The following SEMA3B variants were observed in gnomAD, a reference collection of about 807,000 sequenced individuals.
SEMA3B encodes semaphorin 3B, also known as semaphorin-3B.
Under a neutral mutation model 77.8 loss-of-function variants are expected in SEMA3B, and 71 were observed. The ratio of observed to expected loss-of-function variants is 0.91; its 90% CI spans 0.75 to 1.11. SEMA3B has a LOEUF of 1.11. Ranked by LOEUF, SEMA3B falls within the 50% of genes most tolerant of loss-of-function variation. The pLI, the probability that SEMA3B is intolerant of heterozygous loss-of-function variation, is 0.00. For missense variants in SEMA3B, 968 were observed against 1,056.8 expected (o/e 0.92, Z 1.17); for synonymous variants, 470 against 452.9 (o/e 1.04, Z -0.48).
chr3:50,273,570 G>A lies in SEMA3B; in HGVS notation c.846G>A (p.Lys282=), dbSNP rs1386869239. 5.0e-6 allele frequency: 8 copies of A among 1,613,210 alleles called. No individual in the cohort carries two copies. Among genetic ancestry groups the A allele is most frequent in the African/African-American group, 1.3e-5 (1 of 74,928 alleles). Reference sequence around the variant, plus strand: ...GCGGCCAGCGCAGCCTGGTCAACAAGTGGACGACGTTCCTGAAGGCGCGGC... The same window carrying A: ...GCGGCCAGCGCAGCCTGGTCAACAAATGGACGACGTTCCTGAAGGCGCGGC... The part of the protein sequence containing the change: ...DVGGQRSLVN[K]WTTFLKARLV... Residue 282 remains lysine (K), a synonymous_variant, in exon 8 of 17, where the codon AAG becomes AAA. Coordinates refer to ENST00000616701, the MANE Select transcript of SEMA3B (RefSeq NM_001290060.2). The surrounding 1 kb of genome is among the most constrained non-coding windows in gnomAD (Gnocchi z 6.5).
Position 50,270,254 on chromosome 3 carries a change from C to T in SEMA3B, c.237C>T (p.Asn79=). ...VGAENHVASL[N]LDNISKRAKK... ...CCGAGAACCATGTGGCCTCCCTCAA[C>T]CTGGACAACATCAGCAAGCGGGCCA... is the stretch of plus-strand genomic sequence containing the variant. Residue 79 remains asparagine (N), a synonymous_variant, in exon 2 of 17, where the codon AAC becomes AAT. Coordinates refer to ENST00000616701, the MANE Select transcript of SEMA3B (RefSeq NM_001290060.2). The surrounding 1 kb of genome is among the most constrained non-coding windows in gnomAD (Gnocchi z 4.7). 6.2e-7 allele frequency: 1 copy of T among 1,613,404 alleles called. No individual in the cohort carries two copies. The highest frequency in any genetic ancestry group is 8.5e-7 in the Non-Finnish European group (1 of 1,179,722).
chr3:50,276,090 C>A lies in SEMA3B; in HGVS notation c.1846-212C>A. 1 of 790,418 alleles carries A rather than the reference C, an allele frequency of 1.3e-6. No homozygotes were observed. Among genetic ancestry groups the A allele is most frequent in the Non-Finnish European group, 1.9e-6 (1 of 519,712 alleles). 49.0% of individuals were successfully genotyped at this position (790,418 alleles called of 1,614,324 possible). On this transcript the variant is annotated intron_variant, in intron 16 of 16. Transcript: ENST00000616701. The surrounding 1 kb of genome is among the most constrained non-coding windows in gnomAD (Gnocchi z 5.8). ...TCCCATTAAGGTCCCTGACCACCCC[C>A]CACCAAGTTCATGTAAACCCCGCCT...
In SEMA3B at chr3:50,273,297, G is replaced by A; in HGVS notation, c.665-1G>A. On this transcript the variant is annotated splice_acceptor_variant, in intron 6 of 16. Coordinates refer to ENST00000616701, the MANE Select transcript of SEMA3B (RefSeq NM_001290060.2). LOFTEE classifies it high-confidence loss of function. This position sits in a 1 kb window ranked among gnomAD's most constrained non-coding sequence, Gnocchi z 6.5. Reference sequence around the variant, plus strand: ...TGACCCATGCCTCCTGCCGCGGTCAGAGCCCAAGTTTGTCAAGGTATTTTG... The same window carrying A: ...TGACCCATGCCTCCTGCCGCGGTCAAAGCCCAAGTTTGTCAAGGTATTTTG... 1.9e-6 allele frequency: 3 copies of A among 1,613,336 alleles called. No individual in the cohort carries two copies. Among genetic ancestry groups the A allele is most frequent in the Non-Finnish European group, 2.5e-6 (3 of 1,179,556 alleles).
Position 50,270,106 on chromosome 3 carries a change from C to G in SEMA3B, c.110-21C>G. 4 of 1,520,770 alleles carry G rather than the reference C, an allele frequency of 2.6e-6. No individual in the cohort carries two copies. The allele number at this position is 1,520,770 out of a possible 1,614,324, so 94.2% of individuals were successfully genotyped here. ...GCTTCCAGCATGGCTGGCGAGTCATCAGCAGTGTCCTGCCCTGCAGAGCTC... is the reference window on the plus strand; with the variant it reads ...GCTTCCAGCATGGCTGGCGAGTCATGAGCAGTGTCCTGCCCTGCAGAGCTC... On this transcript the variant is annotated intron_variant, in intron 1 of 16. Coordinates refer to ENST00000616701, the MANE Select transcript of SEMA3B (RefSeq NM_001290060.2). This position sits in a 1 kb window ranked among gnomAD's most constrained non-coding sequence, Gnocchi z 4.7.
chr3:50,260,776 T>G, the SEMA3B span: 1 of 152,406 alleles, frequency 6.6e-6, no homozygotes, highest in Non-Finnish European at 1.5e-5. Flanking sequence ...GGGTGGGCCA[T>G]GCGGGGCCTT....
rs1553706129 is a variant in SEMA3B, at chr3:50,274,529, C to T, written c.1304C>T (p.Ala435Val). The T allele has an allele frequency of 1.6e-5, 25 of 1,572,034 alleles. No homozygotes were observed. Among genetic ancestry groups the T allele is most frequent in the Non-Finnish European group, 2.0e-5 (23 of 1,159,988 alleles). The stretch of plus-strand genomic sequence containing the variant: ...AATTACACCTTCACTCAAATTGCCG[C>T]GGACCGGGTTGCAGCCGCTGACGGA... ...GANYTFTQIAADRVAAADGHY... is the reference protein window; with the variant it reads ...GANYTFTQIAVDRVAAADGHY... The change falls in exon 11 of 17, where the codon GCG (alanine) becomes GTG (valine). Residue 435 changes from alanine to valine, a missense_variant. Coordinates refer to ENST00000616701, the MANE Select transcript of SEMA3B (RefSeq NM_001290060.2). The surrounding 1 kb of genome is among the most constrained non-coding windows in gnomAD (Gnocchi z 4.7).
rs1701248292 is a variant in SEMA3B, at chr3:50,276,393, C to G, written c.1937C>G (p.Ala646Gly). Residue 646 changes from alanine (A) to glycine (G), a missense_variant, in exon 17 of 17, where the codon GCC (alanine) becomes GGC (glycine). Coordinates refer to ENST00000616701, the MANE Select transcript of SEMA3B (RefSeq NM_001290060.2). This position sits in a 1 kb window ranked among gnomAD's most constrained non-coding sequence, Gnocchi z 5.8. ...RRDSGVYLCA[A>G]VEQGFTQPLR... ...GACTCGGGCGTGTACTTGTGCGCCG[C>G]CGTCGAGCAGGGCTTTACGCAACCG... is the stretch of plus-strand genomic sequence containing the variant. The G allele has an allele frequency of 6.5e-7, 1 of 1,536,336 alleles. No individual in the cohort carries two copies. The highest frequency in any genetic ancestry group is 1.4e-5 in the African/African-American group (1 of 72,844).
At chr3:50,264,917 G>A (rs1700873454), upstream of SEMA3B, among the ~76,000 whole-genome samples, 3 of 152,210 alleles carry the variant, frequency 2.0e-5, no homozygotes, top group Non-Finnish European at 4.4e-5. Flanking sequence ...TGTGCAGGAG[G>A]GGAGGGCAGG....
rs1277364848 is a variant in SEMA3B, at chr3:50,271,415, T to A, written c.599T>A (p.Ile200Asn). 6.3e-7 allele frequency: 1 copy of A among 1,590,884 alleles called. No individual in the cohort carries two copies. The highest frequency in any genetic ancestry group is 8.6e-7 in the Non-Finnish European group (1 of 1,168,916). Reference sequence around the variant, plus strand: ...GACCTCATGGGACGAGACTTTACCATCTTTCGCAGCCTAGGGCAACGTCCA... The same window carrying A: ...GACCTCATGGGACGAGACTTTACCAACTTTCGCAGCCTAGGGCAACGTCCA... ...AADLMGRDFT[I>N]FRSLGQRPSL... The change falls in exon 6 of 17, where the codon ATC becomes AAC. Residue 200 changes from isoleucine to asparagine, a missense_variant. Ile to Asn is a moderately radical substitution (Grantham distance 149, BLOSUM62 -3). Transcript: ENST00000616701.
chr3:50,276,433 G>A lies in SEMA3B; in HGVS notation c.1977G>A (p.Ser659=), dbSNP rs1553706763. 1 of 1,536,200 alleles carries A rather than the reference G, an allele frequency of 6.5e-7. No individual in the cohort carries two copies. Among genetic ancestry groups the A allele is most frequent in the Non-Finnish European group, 8.7e-7 (1 of 1,145,782 alleles). ...TTACGCAACCGCTGCGTCGCCTGTCGCTGCACGTGTTGAGTGCTACGCAGG... is the reference window on the plus strand; with the variant it reads ...TTACGCAACCGCTGCGTCGCCTGTCACTGCACGTGTTGAGTGCTACGCAGG... ...QGFTQPLRRL[S]LHVLSATQAE... Residue 659 remains serine (S), a synonymous_variant, in exon 17 of 17, where the codon TCG becomes TCA. Transcript: ENST00000616701. This position sits in a 1 kb window ranked among gnomAD's most constrained non-coding sequence, Gnocchi z 5.8.
In SEMA3B at chr3:50,274,123, G is replaced by A; in HGVS notation, c.1137+66G>A. ...CCTCAAGGGTTTGAGAACTTGGCCT[G>A]GGGTCTTCTTGGTGAATGTGGTTTC... On this transcript the variant is annotated intron_variant, in intron 10 of 16. Coordinates refer to ENST00000616701, the MANE Select transcript of SEMA3B (RefSeq NM_001290060.2). The surrounding 1 kb of genome is among the most constrained non-coding windows in gnomAD (Gnocchi z 4.7). 1 of 1,572,314 alleles carries A rather than the reference G, an allele frequency of 6.4e-7. No homozygotes were observed. The highest frequency in any genetic ancestry group is 1.4e-5 in the African/African-American group (1 of 72,368).
Position 50,273,653 on chromosome 3 carries a change from G to C in SEMA3B, c.922+7G>C. 6.2e-7 allele frequency: 1 copy of C among 1,608,916 alleles called. No homozygotes were observed. Among genetic ancestry groups the C allele is most frequent in the South Asian group, 1.1e-5 (1 of 91,044 alleles). The stretch of plus-strand genomic sequence containing the variant: ...ACCCACTTCGATCAGCTCCGTGAGT[G>C]CGGGAGTGGGTATGGGGTTGGGGAG... On this transcript the variant is annotated splice_region_variant and intron_variant, in intron 8 of 16. Coordinates refer to ENST00000616701, the MANE Select transcript of SEMA3B (RefSeq NM_001290060.2). The surrounding 1 kb of genome is among the most constrained non-coding windows in gnomAD (Gnocchi z 6.5).
chr3:50,274,415 A>G lies in SEMA3B; in HGVS notation c.1190A>G (p.Asp397Gly), dbSNP rs1701152945. Residue 397 changes from aspartate (D) to glycine (G), a missense_variant, in exon 11 of 17, where the codon GAT becomes GGT. Transcript: ENST00000616701. The surrounding 1 kb of genome is among the most constrained non-coding windows in gnomAD (Gnocchi z 4.7). ...AGTTCCACCAAGGACTTCCCAGACG[A>G]TGTCATCCAGTTTGCGCGGAACCAC... The part of the protein sequence containing the change: ...TFSSTKDFPD[D>G]VIQFARNHPL... 3 of 1,506,504 alleles carry G rather than the reference A, an allele frequency of 2.0e-6. No individual in the cohort carries two copies. Among genetic ancestry groups the G allele is most frequent in the Non-Finnish European group, 2.7e-6 (3 of 1,128,328 alleles). 93.3% of individuals were successfully genotyped at this position (1,506,504 alleles called of 1,614,324 possible). A position where few individuals can be genotyped will look rare whatever the true frequency, so the allele number is the denominator to read the frequency against.
chr3:50,271,322 G>T (rs1553705337), intron 5 of SEMA3B, 39 bp from the exon 6 acceptor site: 1 of 1,554,312 alleles, frequency 6.4e-7, no homozygotes, highest in Non-Finnish European at 8.7e-7. Context: ...TGCCCCAAGA[G>T]CCCTCCATTT....
chr3:50,275,750 A>C lies in SEMA3B; in HGVS notation c.1751A>C (p.Glu584Ala), dbSNP rs1553706504. The change falls in exon 16 of 17, where the codon GAG (glutamate) becomes GCG (alanine). Residue 584 changes from glutamate to alanine, a missense_variant. Physicochemically the swap from Glu to Ala is moderately radical, Grantham distance 107. Coordinates refer to ENST00000616701, the MANE Select transcript of SEMA3B (RefSeq NM_001290060.2). This position sits in a 1 kb window ranked among gnomAD's most constrained non-coding sequence, Gnocchi z 7.5. ...ALLEHKVFGV[E>A]GSSAFLECEP... is the part of the protein sequence containing the mutation. ...CTGGAACACAAGGTGTTCGGCGTGG[A>C]GGGCAGCAGCGCCTTTCTGGAGTGT... 2 of 1,613,288 alleles carry C rather than the reference A, an allele frequency of 1.2e-6. No homozygotes were observed. The highest frequency in any genetic ancestry group is 1.7e-6 in the Non-Finnish European group (2 of 1,179,830).
upstream of SEMA3B, among the ~76,000 whole-genome samples, chr3:50,264,292 C>G (rs1700867351): frequency 6.6e-6 from 1 of 152,148 alleles, no homozygotes; most frequent in Non-Finnish European, 1.5e-5. Flanking sequence ...GAGAAGGGGC[C>G]TTGTTCAGCT....
Position 50,276,012 on chromosome 3 carries a change from C to A in SEMA3B, c.1845+168C>A. 1 of 995,620 alleles carries A rather than the reference C, an allele frequency of 1.0e-6. No individual in the cohort carries two copies. Among genetic ancestry groups the A allele is most frequent in the Non-Finnish European group, 1.4e-6 (1 of 702,344 alleles). 61.7% of individuals were successfully genotyped at this position (995,620 alleles called of 1,614,324 possible). A position where few individuals can be genotyped will look rare whatever the true frequency, so the allele number is the denominator to read the frequency against. ...GCTGCTGAGGCCCCATTGCGTCCAACGGGGCTCCCGACCCGCCTCCCCTGA... is the reference window on the plus strand; with the variant it reads ...GCTGCTGAGGCCCCATTGCGTCCAAAGGGGCTCCCGACCCGCCTCCCCTGA... On this transcript the variant is annotated intron_variant, in intron 16 of 16. Coordinates refer to ENST00000616701, the MANE Select transcript of SEMA3B (RefSeq NM_001290060.2). This position sits in a 1 kb window ranked among gnomAD's most constrained non-coding sequence, Gnocchi z 5.8.
Position 50,273,864 on chromosome 3 carries a change from C to A in SEMA3B, c.992+36C>A. On this transcript the variant is annotated intron_variant, in intron 9 of 16. Coordinates refer to ENST00000616701, the MANE Select transcript of SEMA3B (RefSeq NM_001290060.2). The surrounding 1 kb of genome is among the most constrained non-coding windows in gnomAD (Gnocchi z 6.5). ...GGAGGTAGGGAGCGCCCGGGGCGGG[C>A]CGCTGGGCTCCACCCGGCCCCTCAC... The A allele has an allele frequency of 6.4e-7, 1 of 1,566,770 alleles. No individual in the cohort carries two copies. Among genetic ancestry groups the A allele is most frequent in the Non-Finnish European group, 8.7e-7 (1 of 1,154,356 alleles).
Position 50,275,323 on chromosome 3 carries a change from C to A in SEMA3B, c.1513C>A (p.Arg505=). The change falls in exon 14 of 17, where the codon CGG becomes AGG. Residue 505 remains arginine (R), a synonymous_variant. Coordinates refer to ENST00000616701, the MANE Select transcript of SEMA3B (RefSeq NM_001290060.2). This position sits in a 1 kb window ranked among gnomAD's most constrained non-coding sequence, Gnocchi z 7.5. ...SKRHQLYVAS[R]SAVAQIALHR... Reference sequence around the variant, plus strand: ...CTAGCACCAGCTGTACGTAGCCTCGCGGAGCGCGGTGGCCCAGATCGCGTT... The same window carrying A: ...CTAGCACCAGCTGTACGTAGCCTCGAGGAGCGCGGTGGCCCAGATCGCGTT... 1.9e-6 allele frequency: 3 copies of A among 1,576,754 alleles called. 1 individual carries two copies. In the South Asian group the frequency reaches 3.5e-5, roughly 18 times the overall value.
Sources: allele counts gnomAD v4.1 joint callset (sites outside exome capture counted in the v4.1 genomes callset), GRCh38; gene constraint gnomAD v4.1.1; non-coding constraint Gnocchi (gnomAD v3.1); transcripts MANE v1.5; gene names NCBI Gene and HGNC (gene_info 2026-07-23, HGNC 2026-07-21).